NELL1: variants seen among roughly 807,000 people sequenced by gnomAD.
NELL1 encodes the protein neural EGFL like 1.
Under a neutral mutation model 107.4 loss-of-function variants are expected in NELL1, and 76 were observed. That is an observed-to-expected ratio of 0.71 (90% CI 0.59 to 0.86). The LOEUF (loss-of-function observed/expected upper bound fraction) is 0.86, where lower values mean the gene tolerates loss of function less well. Among genes scored for constraint, NELL1 ranks in the 40% least tolerant of loss-of-function variants. The pLI is 0.00. For synonymous variants in NELL1, 353 were observed against 341.2 expected, an observed-to-expected ratio of 1.03 and a Z score of -0.38; for missense variants, 1,024 against 1,005.5, an observed-to-expected ratio of 1.02 and a Z score of -0.25.
intron 12 of NELL1, among the ~76,000 whole-genome samples, chr11:21,064,466 T>C (rs775242463): frequency 8.5e-5 from 13 of 152,100 alleles, no homozygotes; most frequent in Non-Finnish European, 1.3e-4. Context: ...CTAGAGCCGA[T>C]AGGATTTCCT....
intron 15 of NELL1, among the ~76,000 whole-genome samples, chr11:21,397,090 G>A (rs887944718): frequency 4.6e-5 from 7 of 151,624 alleles, no homozygotes; most frequent in African/African-American, 1.5e-4. Context: ...AACTATGTTT[G>A]TAGTAAGTTT....
chr11:20,913,837 G>A (rs1331522688), intron 5 of NELL1, among the ~76,000 whole-genome samples: 1 of 124,960 alleles, frequency 8.0e-6, no homozygotes, highest in East Asian at 2.9e-4. Context: ...GTGTAAATAA[G>A]ATTACGGGGG....
intron 12 of NELL1, among the ~76,000 whole-genome samples, chr11:21,087,659 G>A: frequency 6.6e-6 from 1 of 152,156 alleles, no homozygotes; most frequent in Non-Finnish European, 1.5e-5. Flanking sequence ...GCAGGAAGGA[G>A]GGAGTATGAG....
intron 15 of NELL1, among the ~76,000 whole-genome samples, chr11:21,403,997 A>C (rs1852162022): frequency 1.9e-5 from 2 of 107,390 alleles, no homozygotes; most frequent in Admixed American, 1.1e-4. Flanking sequence ...TATCTCTGTC[A>C]TTCCTGAACC....
chr11:21,428,419 T>C (rs1474792781), intron 15 of NELL1, among the ~76,000 whole-genome samples: 1 of 152,186 alleles, frequency 6.6e-6, no homozygotes, highest in East Asian at 1.9e-4. Context: ...TTTGAGATAG[T>C]GTCGATAAAG....
chr11:20,872,067 T>C (rs1849210953), intron 4 of NELL1, among the ~76,000 whole-genome samples: 1 of 145,630 alleles, frequency 6.9e-6, no homozygotes, highest in Non-Finnish European at 1.5e-5. Context: ...ACTTCCATCA[T>C]AGGCTTGCTT....
chr11:20,966,630 C>A (rs979543242), intron 12 of NELL1, among the ~76,000 whole-genome samples: 2 of 152,060 alleles, frequency 1.3e-5, no homozygotes, highest in Non-Finnish European at 2.9e-5. Flanking sequence ...CTCCCCTTTC[C>A]AAGGCACAGA....
intron 16 of NELL1, among the ~76,000 whole-genome samples, chr11:21,551,735 C>T (rs1044373140): frequency 1.7e-4 from 25 of 151,184 alleles, no homozygotes; most frequent in African/African-American, 5.6e-4. Flanking sequence ...GTGGTGATTC[C>T]TCAGGGATCT....
intron 16 of NELL1, among the ~76,000 whole-genome samples, chr11:21,558,977 T>C (rs544965891): frequency 4.6e-5 from 7 of 152,206 alleles, no homozygotes; most frequent in African/African-American, 7.2e-5. Flanking sequence ...TTGATTTTAG[T>C]TGACTTACCA....
chr11:21,375,715 T>G (rs1392472380), intron 15 of NELL1, among the ~76,000 whole-genome samples: 1 of 152,136 alleles, frequency 6.6e-6, no homozygotes, highest in African/African-American at 2.4e-5. Flanking sequence ...CAGCATCTGT[T>G]GTTTTTTGAC....
intron 15 of NELL1, among the ~76,000 whole-genome samples, chr11:21,421,138 TACAG>T (rs769465786): frequency 6.6e-6 from 1 of 152,104 alleles, no homozygotes; most frequent in Non-Finnish European, 1.5e-5. Flanking sequence ...ATTCAAAAAA[TACAG>T]AAGAAGATTT....
At chr11:20,734,799 A>C (rs1855722971) in intron 2 of NELL1, among the ~76,000 whole-genome samples, 1 of 152,190 alleles carries the variant, frequency 6.6e-6, no homozygotes, top group African/African-American at 2.4e-5. Context: ...TTTGAGGCCA[A>C]GGTGGTGATA....
At chr11:20,680,713 T>A (rs932986352) in intron 2 of NELL1, among the ~76,000 whole-genome samples, 5 of 152,164 alleles carry the variant, frequency 3.3e-5, no homozygotes, top group Non-Finnish European at 7.4e-5. Flanking sequence ...TTCTGGCTTG[T>A]GGCTCATTCC....
intron 14 of NELL1, among the ~76,000 whole-genome samples, chr11:21,306,803 C>T (rs1418433584): frequency 6.6e-6 from 1 of 151,978 alleles, no homozygotes; most frequent in Non-Finnish European, 1.5e-5. Flanking sequence ...TTTTTTTCCA[C>T]CTGAGTTTGT....
chr11:21,311,987 G>T (rs1243818105), intron 14 of NELL1, among the ~76,000 whole-genome samples: 1 of 152,096 alleles, frequency 6.6e-6, no homozygotes, highest in Non-Finnish European at 1.5e-5. Context: ...GAACTAGTTA[G>T]GTCCTTCCAC....
chr11:20,929,877 CAGG>C (rs1850580748), intron 9 of NELL1, among the ~76,000 whole-genome samples: 1 of 150,494 alleles, frequency 6.6e-6, no homozygotes, highest in South Asian at 2.1e-4. Context: ...GAGGCTGAGG[CAGG>C]AGAATTGCTT....
At chr11:20,718,150 G>A (rs891640684) in intron 2 of NELL1, among the ~76,000 whole-genome samples, 1 of 152,148 alleles carries the variant, frequency 6.6e-6, no homozygotes, top group African/African-American at 2.4e-5. Flanking sequence ...AATGAAATTG[G>A]TTATTCCAGA....
intron 2 of NELL1, among the ~76,000 whole-genome samples, chr11:20,702,504 C>T (rs1053396300): frequency 1.3e-5 from 2 of 151,982 alleles, no homozygotes; most frequent in African/African-American, 4.8e-5. Flanking sequence ...CCTTTATTTC[C>T]TTCTCCTGCG....
intron 4 of NELL1, among the ~76,000 whole-genome samples, chr11:20,861,323 A>G (rs1004704604): frequency 6.6e-6 from 1 of 152,200 alleles, no homozygotes; most frequent in African/African-American, 2.4e-5. Context: ...TTAACGGAAT[A>G]TCAGCCTGAT....
Sources: allele counts gnomAD v4.1 joint callset (sites outside exome capture counted in the v4.1 genomes callset), GRCh38; gene constraint gnomAD v4.1.1; transcripts MANE v1.5; gene names NCBI Gene and HGNC (gene_info 2026-07-23, HGNC 2026-07-21).